CBFA2T3: variants seen among roughly 807,000 people sequenced by gnomAD.
The protein encoded by CBFA2T3 is transcriptional corepressor CBFA2T3.
A neutral mutation model predicts 58.6 loss-of-function variants in CBFA2T3; 31 were observed. The ratio of observed to expected loss-of-function variants is 0.53; its 90% CI spans 0.40 to 0.71. The LOEUF (loss-of-function observed/expected upper bound fraction) is 0.71, where lower values mean the gene tolerates loss of function less well. Among genes scored for constraint, CBFA2T3 ranks in the 30% least tolerant of loss-of-function variants. The probability of loss-of-function intolerance (pLI) is 0.00; values close to 1 mark genes in which losing one functional copy is unlikely to be tolerated. For synonymous variants in CBFA2T3, 531 were observed against 421.9 expected, an observed-to-expected ratio of 1.26 and a Z score of -3.17; for missense variants, 1,076 against 963.1, an observed-to-expected ratio of 1.12 and a Z score of -1.55.
Position 88,898,091 on chromosome 16 carries a change from A to C in CBFA2T3, c.366T>G (p.Ser122=). ...TATTTTACTTACAGAGACAGACCAT[A>C]GACCATTTTAAGCAGCCATGAAAAC... ...HGRFHGCLKW[S]MVCLLMNGSS... is the part of the protein sequence containing the mutation. The change falls in exon 3 of 12, where the codon TCT becomes TCG. Residue 122 remains serine (S), a synonymous_variant. Coordinates refer to ENST00000268679, the MANE Select transcript of CBFA2T3 (RefSeq NM_005187.6). 6.2e-7 allele frequency: 1 copy of C among 1,612,440 alleles called. No homozygotes were observed. The highest frequency in any genetic ancestry group is 8.5e-7 in the Non-Finnish European group (1 of 1,179,000).
chr16:88,898,127 C>A lies in CBFA2T3; in HGVS notation c.330G>T (p.Leu110=). ...HTHREDGPAT[L]PHGRFHGCLK... is the part of the protein sequence containing the mutation. The stretch of plus-strand genomic sequence containing the variant: ...AGCAGCCATGAAAACGGCCGTGGGG[C>A]AGCGTCGCAGGCCCGTCCTCTCGAT... Residue 110 remains leucine (L), a synonymous_variant, in exon 3 of 12, where the codon CTG becomes CTT. Coordinates refer to ENST00000268679, the MANE Select transcript of CBFA2T3 (RefSeq NM_005187.6). 5 of 1,613,116 alleles carry A rather than the reference C, an allele frequency of 3.1e-6. No individual in the cohort carries two copies. The highest frequency in any genetic ancestry group is 2.2e-5 in the East Asian group (1 of 44,884).
intron 1 of CBFA2T3, among the ~76,000 whole-genome samples, chr16:88,908,470 C>T (rs960890524): frequency 2.6e-5 from 4 of 152,202 alleles, no homozygotes; most frequent in African/African-American, 4.8e-5. Flanking sequence ...ACTAACGGGC[C>T]GGGAGAGGAA....
chr16:88,954,548 C>T (rs1333651824), intron 1 of CBFA2T3, among the ~76,000 whole-genome samples: 2 of 101,118 alleles, frequency 2.0e-5, no homozygotes, highest in Non-Finnish European at 4.1e-5. Context: ...GGCTCCTGAC[C>T]TCAGCCAAGG....
chr16:88,974,855 G>T (rs537308707), intron 1 of CBFA2T3, among the ~76,000 whole-genome samples: 1 of 152,114 alleles, frequency 6.6e-6, no homozygotes, highest in African/African-American at 2.4e-5. Context: ...TGTCCCCTGG[G>T]GGCCTTGGGA....
chr16:88,906,910 G>A (rs1230226897), intron 1 of CBFA2T3, among the ~76,000 whole-genome samples: 1 of 152,228 alleles, frequency 6.6e-6, no homozygotes, highest in Non-Finnish European at 1.5e-5. Flanking sequence ...GCTGGGACAC[G>A]CGGCCCTGTG....
intron 5 of CBFA2T3, among the ~76,000 whole-genome samples, chr16:88,888,447 G>A (rs541818654): frequency 1.8e-5 from 1 of 56,808 alleles, no homozygotes; most frequent in East Asian, 5.0e-4. Flanking sequence ...TGTCTGAAGG[G>A]GCTGCGGCCC....
rs562974032 is a variant in CBFA2T3 at position 88,975,438 on chromosome 16, T to C, written c.151+1219A>G. 1.7e-3 allele frequency among the ~76,000 whole-genome samples: 266 copies of C among 152,248 alleles called. 1 individual carries two copies. The highest frequency in any genetic ancestry group is 5.5e-3 in the African/African-American group (227 of 41,556). On this transcript the variant is annotated intron_variant, in intron 1 of 11. Coordinates refer to ENST00000268679, the MANE Select transcript of CBFA2T3 (RefSeq NM_005187.6). The stretch of plus-strand genomic sequence containing the variant: ...TCTCTCCGCGCCGGTGAGAACCTGC[T>C]CTCACGCGGGGAGCAGGTCGGAAGG...
intron 1 of CBFA2T3, among the ~76,000 whole-genome samples, chr16:88,904,436 C>T (rs556194875): frequency 2.6e-5 from 4 of 152,334 alleles, no homozygotes; most frequent in Non-Finnish European, 2.9e-5. Flanking sequence ...GGGCCGGGAT[C>T]GGAACCACGA....
intron 1 of CBFA2T3, among the ~76,000 whole-genome samples, chr16:88,944,033 A>G (rs896204365): frequency 2.0e-5 from 3 of 152,054 alleles, no homozygotes; most frequent in African/African-American, 7.2e-5. Flanking sequence ...CAGGAGCTCA[A>G]TTCACTTAAA....
At chr16:88,963,239 A>G (rs1420906398) in intron 1 of CBFA2T3, among the ~76,000 whole-genome samples, 3 of 140,924 alleles carry the variant, frequency 2.1e-5, no homozygotes, top group African/African-American at 8.2e-5. Context: ...GGGGAAGGCC[A>G]GGGGTGGGCG....
Position 88,877,108 on chromosome 16 carries a change from C to A in CBFA2T3, c.1830G>T (p.Pro610=), listed in dbSNP as rs746623020. The A allele has an allele frequency of 3.2e-6, 5 of 1,545,454 alleles. No homozygotes were observed. The change falls in exon 12 of 12, where the codon CCG becomes CCT. Residue 610 remains proline, a synonymous_variant. Transcript: ENST00000268679. ...GGCCCAGGCTGTGGGCGGCTTCGGG[C>A]GGTCCAGGCACCGGGTCGGCCACCA... ...TAVVADPVPG[P]PEAAHSLGPS... is the part of the protein sequence containing the mutation.
chr16:88,950,530 G>C, intron 1 of CBFA2T3: 1 of 423,368 alleles, frequency 2.4e-6, no homozygotes, highest in South Asian at 1.6e-5. Flanking sequence ...TTCCGGGTCA[G>C]TTCACCCGTC....
Position 88,876,856 on chromosome 16 carries a change from G to A in CBFA2T3, c.*120C>T. 1.3e-6 allele frequency: 1 copy of A among 785,766 alleles called. No homozygotes were observed. The highest frequency in any genetic ancestry group is 1.9e-6 in the Non-Finnish European group (1 of 537,530). The allele number at this position is 785,766 out of a possible 1,614,324, so 48.7% of individuals were successfully genotyped here. A position where few individuals can be genotyped will look rare whatever the true frequency, so the allele number is the denominator to read the frequency against. On this transcript the variant is annotated 3_prime_UTR_variant, in exon 12 of 12. Transcript: ENST00000268679. ...GTGACTAATTGGTCGGCTCCCCCAG[G>A]TCAGGCGGGGCGCAGTGTCTGGCAG...
At chr16:88,925,935 G>C (rs1045841627) in intron 1 of CBFA2T3, among the ~76,000 whole-genome samples, 10 of 152,244 alleles carry the variant, frequency 6.6e-5, no homozygotes, top group African/African-American at 2.4e-4. Flanking sequence ...GAGAGGCTGA[G>C]AAGGACCAGG....
chr16:88,935,260 C>T (rs1004257091), intron 1 of CBFA2T3, among the ~76,000 whole-genome samples: 1 of 152,202 alleles, frequency 6.6e-6, no homozygotes, highest in East Asian at 1.9e-4. Flanking sequence ...ATGTCCACTG[C>T]GCTCTGAGTA....
At chr16:88,937,560 CACAG>C (rs1282453859) in intron 1 of CBFA2T3, 3 of 152,304 alleles carry the variant, frequency 2.0e-5, no homozygotes, top group East Asian at 1.9e-4. Context: ...CTGGATGTGT[CACAG>C]ACAGAGCCCC....
chr16:88,920,104 G>A (rs906711296), intron 1 of CBFA2T3, among the ~76,000 whole-genome samples: 3 of 152,192 alleles, frequency 2.0e-5, no homozygotes, highest in African/African-American at 7.2e-5. Flanking sequence ...AGGGTCAGGC[G>A]GTGTGCGCCC....
At chr16:88,886,908 G>GCC (rs1205476466) in intron 5 of CBFA2T3, 2 of 152,280 alleles carry the variant, frequency 1.3e-5, no homozygotes, top group Non-Finnish European at 2.9e-5. Flanking sequence ...TGCCTTTGAC[G>GCC]CCTGTGTGTA....
intron 11 of CBFA2T3, among the ~76,000 whole-genome samples, chr16:88,879,035 G>T (rs1015902343): frequency 6.6e-6 from 1 of 152,182 alleles, no homozygotes; most frequent in South Asian, 2.1e-4. Flanking sequence ...CAACCCTCTC[G>T]AGCCCTCAGT....
Sources: gnomAD v4.1 joint callset for allele counts (sites outside exome capture counted in the v4.1 genomes callset) on GRCh38, gnomAD v4.1.1 for gene constraint, MANE v1.5 for transcripts, NCBI Gene and HGNC (gene_info 2026-07-23, HGNC 2026-07-21) for gene names.